EIF3A: variants seen among roughly 807,000 people sequenced by gnomAD.
EIF3A encodes the protein EIF3, p180 subunit.
EIF3A carries 21 observed loss-of-function variants against 186.6 expected under a neutral mutation model. The observed-to-expected ratio is 0.11, with a 90% CI of 0.08 to 0.16. The LOEUF (loss-of-function observed/expected upper bound fraction) is 0.16, where lower values mean the gene tolerates loss of function less well. EIF3A is among the 10% of genes least tolerant of loss of function. EIF3A has a pLI of 1.00. For missense variants in EIF3A, 1,306 were observed against 1,796.3 expected, an observed-to-expected ratio of 0.73 and a Z score of 4.93; for synonymous variants, 563 against 584.3, an observed-to-expected ratio of 0.96 and a Z score of 0.52.
At chr10:119,046,324 A>G (rs868002766) in intron 17 of EIF3A, among the ~76,000 whole-genome samples, 4 of 152,238 alleles carry the variant, frequency 2.6e-5, no homozygotes, top group Non-Finnish European at 5.9e-5. Flanking sequence ...CCAAATAATG[A>G]ACCATTTATT....
At chr10:119,056,585 T>A (rs1224764960) in intron 14 of EIF3A, among the ~76,000 whole-genome samples, 155 bp downstream of exon 14, 1 of 152,176 alleles carries the variant, frequency 6.6e-6, no homozygotes, top group Non-Finnish European at 1.5e-5. Flanking sequence ...TATTGTGAAA[T>A]TTTCCCTCTT....
At chr10:119,064,091 C>T (rs1843932258) in intron 7 of EIF3A, among the ~76,000 whole-genome samples, 2 of 152,048 alleles carry the variant, frequency 1.3e-5, no homozygotes, top group Non-Finnish European at 2.9e-5. Context: ...AAAACAACAA[C>T]AACACGTCTT....
At chr10:119,068,360 C>T (rs1844013185) in intron 6 of EIF3A, among the ~76,000 whole-genome samples, 1 of 152,062 alleles carries the variant, frequency 6.6e-6, no homozygotes, top group African/African-American at 2.4e-5. Context: ...ATTTTGCAAT[C>T]AGGAAAAAAT....
chr10:119,077,217 C>T (rs1357619700), intron 1 of EIF3A, among the ~76,000 whole-genome samples: 1 of 152,146 alleles, frequency 6.6e-6, no homozygotes, highest in Non-Finnish European at 1.5e-5. Flanking sequence ...GTAATCCCAG[C>T]ACTTTGGGAG....
Position 119,038,365 on chromosome 10 carries a change from GTTC to G in EIF3A, c.3598_3600del (p.Glu1200del). On this transcript the variant is annotated inframe_deletion, in exon 20 of 22. Coordinates refer to ENST00000369144, the MANE Select transcript of EIF3A (RefSeq NM_003750.4). Reference sequence around the variant, plus strand: ...CTTTCTTTTTCTCTGTCCCATTCACGTTCTTCTGATGGCCTTGATTCTCGAGGT... The same window carrying G: ...CTTTCTTTTTCTCTGTCCCATTCACGTTCTGATGGCCTTGATTCTCGAGGT... 1 of 1,613,744 alleles carries G rather than the reference GTTC, an allele frequency of 6.2e-7. No individual in the cohort carries two copies. Among genetic ancestry groups the G allele is most frequent in the South Asian group, 1.1e-5 (1 of 91,054 alleles).
intron 17 of EIF3A, among the ~76,000 whole-genome samples, chr10:119,049,181 T>G (rs953566154): frequency 6.6e-6 from 1 of 151,742 alleles, no homozygotes; most frequent in South Asian, 2.1e-4. Context: ...GAAAATGGGC[T>G]GGGTGCGGTG....
At position 119,034,795 on chromosome 10, in the gene EIF3A, A is replaced by G. The variant is rs922496854; in HGVS notation, c.*1244T>C. ...CCAAGGTGGTACTTCAAACACGCAC[A>G]TGCACACACAAACTCAGAGGACAGC... is the stretch of plus-strand genomic sequence containing the variant. On this transcript the variant is annotated 3_prime_UTR_variant, in exon 22 of 22. Coordinates refer to ENST00000369144, the MANE Select transcript of EIF3A (RefSeq NM_003750.4). 1.3e-5 allele frequency: 2 copies of G among 152,214 alleles called. No individual in the cohort carries two copies. Among genetic ancestry groups the G allele is most frequent in the African/African-American group, 4.8e-5 (2 of 41,448 alleles). The allele number at this position is 152,214 out of a possible 1,614,324, so 9.4% of individuals were successfully genotyped here.
intron 5 of EIF3A, 63 bp downstream of exon 5, chr10:119,070,823 A>AG: frequency 1.7e-6 from 2 of 1,166,478 alleles, no homozygotes; most frequent in Non-Finnish European, 2.6e-6. Context: ...CTATTCATTA[A>AG]GGGGGGAGAA....
chr10:119,049,840 C>G lies in EIF3A; in HGVS notation c.2619G>C (p.Glu873Asp). ...AACTATCGCCAAGTCTTCTCTCTTC[C>G]TCTCTACGCCGTTCTCGTTCTTCAA... Reference protein sequence around the residue: ...LEIEERERRREEERRLGDSSL... With the variant: ...LEIEERERRRDEERRLGDSSL... Residue 873 changes from glutamate to aspartate, a missense_variant, in exon 17 of 22, where the codon GAG becomes GAC. This residue lies in a region of EIF3A where 410 missense variants were observed against 473.5 expected (regional missense o/e 0.87). Coordinates refer to ENST00000369144, the MANE Select transcript of EIF3A (RefSeq NM_003750.4). 1 of 1,614,134 alleles carries G rather than the reference C, an allele frequency of 6.2e-7. No homozygotes were observed. Among genetic ancestry groups the G allele is most frequent in the Non-Finnish European group, 8.5e-7 (1 of 1,180,010 alleles).
chr10:119,054,278 G>A (rs1848395230), intron 14 of EIF3A, among the ~76,000 whole-genome samples: 1 of 152,146 alleles, frequency 6.6e-6, no homozygotes, highest in African/African-American at 2.4e-5. Flanking sequence ...GAGAGTTATA[G>A]CCTTGCTCTC....
intron 1 of EIF3A, among the ~76,000 whole-genome samples, chr10:119,074,898 A>G (rs575158343): frequency 1.0e-3 from 142 of 141,162 alleles, no homozygotes; most frequent in Non-Finnish European, 2.0e-3. Context: ...GGCCCGGGCA[A>G]CAAGAACGAA....
At chr10:119,070,853 T>C (rs775839156) in intron 5 of EIF3A, 33 bp downstream of exon 5, 53 of 1,483,860 alleles carry the variant, frequency 3.6e-5, no homozygotes, top group Non-Finnish European at 4.6e-5. Context: ...AGACTATTAT[T>C]TCTAGGAAGA....
chr10:119,069,473 T>C lies in EIF3A; in HGVS notation c.923A>G (p.Lys308Arg), dbSNP rs748938713. The change falls in exon 6 of 22, where the codon AAG becomes AGG. Residue 308 changes from lysine (K) to arginine (R), a missense_variant. Transcript: ENST00000369144. ...RLYHLSREMR[K>R]NLTQDEMQRM... Reference sequence around the variant, plus strand: ...TTGCATCTCATCTTGTGTGAGATTCTTTCTCATTTCTCTAGAGAGATGGTA... The same window carrying C: ...TTGCATCTCATCTTGTGTGAGATTCCTTCTCATTTCTCTAGAGAGATGGTA... 1.9e-6 allele frequency: 3 copies of C among 1,539,588 alleles called. No homozygotes were observed. The Admixed American group carries it at 5.0e-5, about 26-fold the overall frequency.
intron 12 of EIF3A, 24 bp downstream of exon 12, chr10:119,057,932 T>C (rs1024423826): frequency 6.3e-7 from 1 of 1,578,482 alleles, no homozygotes; most frequent in East Asian, 2.2e-5. Context: ...AAACTAATTT[T>C]TTAATAACTA....
At chr10:119,079,045 C>T (rs1844221118) in intron 1 of EIF3A, among the ~76,000 whole-genome samples, 1 of 152,088 alleles carries the variant, frequency 6.6e-6, no homozygotes, top group South Asian at 2.1e-4. Context: ...ATTTTGTATA[C>T]TACAAATTCT....
At position 119,053,247 on chromosome 10, in the gene EIF3A, C is replaced by G. The variant is rs565134924; in HGVS notation, c.2197-1926G>C. ...AGATGCAGCATAATTCTTAAGGACC[C>G]TAGGATTTTTGGAATGACGAGAATT... is the stretch of plus-strand genomic sequence containing the variant. On this transcript the variant is annotated intron_variant, in intron 14 of 21. Coordinates refer to ENST00000369144, the MANE Select transcript of EIF3A (RefSeq NM_003750.4). Among the ~76,000 whole-genome samples, 5 of 152,238 alleles carry G rather than the reference C, an allele frequency of 3.3e-5. No homozygotes were observed. In the South Asian group the frequency reaches 1.0e-3, roughly 32 times the overall value.
rs760397518 is a variant in EIF3A, at chr10:119,057,952, G to C, written c.1977+4C>G. 2.2e-5 allele frequency: 36 copies of C among 1,605,886 alleles called. 1 individual carries two copies. The highest frequency in any genetic ancestry group is 3.0e-5 in the Non-Finnish European group (35 of 1,175,224). On this transcript the variant is annotated splice_donor_region_variant and intron_variant, in intron 12 of 21. Coordinates refer to ENST00000369144, the MANE Select transcript of EIF3A (RefSeq NM_003750.4). ...AATTTTTTAATAACTAAGATGCTAC[G>C]TACTTCAATATCAATATCTTTGAAT...
At chr10:119,045,792 G>C (rs1341483024) in intron 17 of EIF3A, among the ~76,000 whole-genome samples, 2 of 152,108 alleles carry the variant, frequency 1.3e-5, no homozygotes, top group Admixed American at 6.6e-5. Flanking sequence ...CAAGCTCCCA[G>C]GCTCAAGCGA....
chr10:119,075,657 T>TAC (rs1314472331), intron 1 of EIF3A, among the ~76,000 whole-genome samples: 1 of 141,876 alleles, frequency 7.0e-6, no homozygotes, highest in Non-Finnish European at 1.5e-5. Context: ...TATACATATA[T>TAC]ATATATATAT....
Sources: gnomAD v4.1 joint callset for allele counts (sites outside exome capture counted in the v4.1 genomes callset) on GRCh38, gnomAD v4.1.1 for gene constraint, gnomAD v4.1.1 regional missense constraint, MANE v1.5 for transcripts, NCBI Gene and HGNC (gene_info 2026-07-23, HGNC 2026-07-21) for gene names.